The following NSD3 variants were observed in gnomAD, a reference collection of about 807,000 sequenced individuals.
NSD3 encodes the protein histone-lysine N-methyltransferase NSD3.
NSD3 carries 24 observed loss-of-function variants against 160.8 expected under a neutral mutation model. The ratio of observed to expected loss-of-function variants is 0.15; its 90% CI spans 0.11 to 0.21. The LOEUF (loss-of-function observed/expected upper bound fraction) is 0.21, where lower values mean the gene tolerates loss of function less well. Among genes scored for constraint, NSD3 ranks in the 10% least tolerant of loss-of-function variants. NSD3 has a pLI of 1.00. For missense variants in NSD3, 1,157 were observed against 1,735.9 expected (o/e 0.67, Z 5.93); for synonymous variants, 520 against 600.0 (o/e 0.87, Z 1.95).
chr8:38,371,054 C>T (rs770096144), intron 1 of NSD3, among the ~76,000 whole-genome samples: 1 of 151,806 alleles, frequency 6.6e-6, no homozygotes, highest in African/African-American at 2.4e-5. Flanking sequence ...CACACCTGTA[C>T]ACTGAAATTC....
intron 19 of NSD3, among the ~76,000 whole-genome samples, chr8:38,284,163 T>C (rs1406125583): frequency 1.3e-5 from 2 of 152,186 alleles, no homozygotes; most frequent in Non-Finnish European, 2.9e-5. Context: ...TTAATTTCCT[T>C]CACTTTTTCC....
rs2130971601 is a variant in NSD3, at chr8:38,271,142, T to A, written c.*4499A>T. ...TGCAGGAGTCTCTTCCTCAAATGTG[T>A]TCAATCAATCTGAGCTATCTACTGT... On this transcript the variant is annotated 3_prime_UTR_variant, in exon 24 of 24. Coordinates refer to ENST00000317025, the MANE Select transcript of NSD3 (RefSeq NM_023034.2). 1 of 152,284 alleles carries A rather than the reference T, an allele frequency of 6.6e-6. No individual in the cohort carries two copies. Among genetic ancestry groups the A allele is most frequent in the South Asian group, 2.1e-4 (1 of 4,828 alleles). The allele number at this position is 152,284 out of a possible 1,614,324, so 9.4% of individuals were successfully genotyped here. A position where few individuals can be genotyped will look rare whatever the true frequency, so the allele number is the denominator to read the frequency against.
intron 22 of NSD3, among the ~76,000 whole-genome samples, chr8:38,277,262 G>T (rs72644720): frequency 0.2 from 29,827 of 151,882 alleles, 3,207 homozygotes; most frequent in East Asian, 0.31. Context: ...TTTGAATAGG[G>T]TGCTTTTTAT....
chr8:38,357,525 ATT>A, intron 1 of NSD3, among the ~76,000 whole-genome samples: 1 of 151,392 alleles, frequency 6.6e-6, no homozygotes, highest in African/African-American at 2.4e-5. Flanking sequence ...TTCCTTTTTT[ATT>A]TTTTTTGCTT....
chr8:38,363,366 G>A (rs1374256046), intron 1 of NSD3, among the ~76,000 whole-genome samples: 2 of 152,152 alleles, frequency 1.3e-5, no homozygotes, highest in African/African-American at 4.8e-5. Flanking sequence ...GAAGAGGGCC[G>A]GGCATGGTGG....
At chr8:38,276,097 G>C (rs1251705582) in intron 23 of NSD3, among the ~76,000 whole-genome samples, 199 bp downstream of exon 23, 2 of 152,192 alleles carry the variant, frequency 1.3e-5, no homozygotes, top group Non-Finnish European at 2.9e-5. Context: ...CCACCTACGG[G>C]AACAGTATAC....
intron 16 of NSD3, among the ~76,000 whole-genome samples, chr8:38,292,003 T>G (rs773027965): frequency 1.3e-5 from 2 of 152,226 alleles, no homozygotes; most frequent in African/African-American, 2.4e-5. Flanking sequence ...GAGCACTGTT[T>G]TGGGTTTCTT....
At chr8:38,363,548 A>AG (rs1811036223) in intron 1 of NSD3, among the ~76,000 whole-genome samples, 1 of 148,552 alleles carries the variant, frequency 6.7e-6, no homozygotes, top group Non-Finnish European at 1.5e-5. Context: ...AGGCTGAGGC[A>AG]GGAGAATCAC....
intron 1 of NSD3, among the ~76,000 whole-genome samples, chr8:38,379,036 C>T (rs1811472766): frequency 6.6e-6 from 1 of 151,804 alleles, no homozygotes; most frequent in Non-Finnish European, 1.5e-5. Context: ...AAGACAGTTT[C>T]CTTTATCCAA....
chr8:38,373,662 C>T (rs1260760252), intron 1 of NSD3, among the ~76,000 whole-genome samples: 2 of 151,966 alleles, frequency 1.3e-5, no homozygotes, highest in African/African-American at 4.8e-5. Flanking sequence ...ATTTGATAAA[C>T]TAATTTTTTT....
chr8:38,355,151 C>G (rs1414936545), intron 1 of NSD3, among the ~76,000 whole-genome samples: 1 of 152,108 alleles, frequency 6.6e-6, no homozygotes, highest in African/African-American at 2.4e-5. Context: ...CAGAATCAAA[C>G]TAAGTTCAAA....
intron 12 of NSD3, among the ~76,000 whole-genome samples, chr8:38,308,318 C>T (rs940175332): frequency 1.3e-5 from 2 of 151,786 alleles, no homozygotes; most frequent in African/African-American, 4.8e-5. Context: ...TTTTTGGTCC[C>T]ATTGTAAATA....
rs141622276 is a variant in NSD3, at chr8:38,290,488, C to T, written c.3105G>A (p.Lys1035=). The T allele has an allele frequency of 0.013, 20,299 of 1,613,990 alleles. 205 individuals are homozygous for T. Among genetic ancestry groups the T allele is most frequent in the Non-Finnish European group, 0.013 (15,731 of 1,179,958 alleles). The change falls in exon 17 of 24, where the codon AAG becomes AAA. Residue 1035 remains lysine, a synonymous_variant. Coordinates refer to ENST00000317025, the MANE Select transcript of NSD3 (RefSeq NM_023034.2). ...SFAEGQTSIN[K]TFKKALEEAA... The stretch of plus-strand genomic sequence containing the variant: ...CATCCAGCTTACCCTTTTTGAAGGT[C>T]TTGTTAATACTAGTCTGCCCTTCAG...
rs573344598 is a variant in NSD3 at position 38,290,743 on chromosome 8, T to C, written c.2916-66A>G. The C allele has an allele frequency of 9.0e-6, 14 of 1,547,724 alleles. No individual in the cohort carries two copies. In the South Asian group the frequency reaches 1.4e-4, roughly 15 times the overall value. On this transcript the variant is annotated intron_variant, in intron 16 of 23. Transcript: ENST00000317025. ...AAACAAAAAACCACTATTTACAAGATTGGCAGAAGGGAAAAAAGTTTTTGT... is the reference window on the plus strand; with the variant it reads ...AAACAAAAAACCACTATTTACAAGACTGGCAGAAGGGAAAAAAGTTTTTGT...
chr8:38,273,674 A>G lies in NSD3; in HGVS notation c.*1967T>C, dbSNP rs932696814. On this transcript the variant is annotated 3_prime_UTR_variant, in exon 24 of 24. Transcript: ENST00000317025. The stretch of plus-strand genomic sequence containing the variant: ...CTAGCTTTTCTTATTTTTTAAAAGG[A>G]CATCAAACTATATAATTGCTCAAGA... The G allele has an allele frequency of 6.6e-6, 1 of 152,262 alleles. No homozygotes were observed. The highest frequency in any genetic ancestry group is 6.5e-5 in the Admixed American group (1 of 15,284). The allele number at this position is 152,262 out of a possible 1,614,324, so 9.4% of individuals were successfully genotyped here. A position where few individuals can be genotyped will look rare whatever the true frequency, so the allele number is the denominator to read the frequency against.
In NSD3 at chr8:38,318,105, T is replaced by C. The variant is rs1809712187; in HGVS notation, c.1855+790A>G. On this transcript the variant is annotated intron_variant, in intron 9 of 23. Transcript: ENST00000317025. This position sits in a 1 kb window ranked among gnomAD's most constrained non-coding sequence, Gnocchi z 5.3. ...CTCGCAGCGATCGCGATGTCTTTTC[T>C]TGGAGCTCCGCCAAGCAGTGTTCCC... 5.0e-6 allele frequency: 8 copies of C among 1,585,622 alleles called. No homozygotes were observed. Among genetic ancestry groups the C allele is most frequent in the Non-Finnish European group, 5.2e-6 (6 of 1,162,236 alleles).
intron 3 of NSD3, 78 bp from the exon 4 acceptor site, chr8:38,337,545 A>G: frequency 7.9e-7 from 1 of 1,268,896 alleles, no homozygotes; most frequent in Non-Finnish European, 1.0e-6. Context: ...AAATGCTAAC[A>G]ATGTAATTTT....
chr8:38,283,884 C>T (rs1021605658), intron 19 of NSD3, among the ~76,000 whole-genome samples: 1 of 151,990 alleles, frequency 6.6e-6, no homozygotes, highest in Admixed American at 6.6e-5. Flanking sequence ...AGGAGGACTG[C>T]TTGAGCCAGG....
At position 38,318,945 on chromosome 8, in the gene NSD3, T is replaced by C; in HGVS notation, c.1810-5A>G. The stretch of plus-strand genomic sequence containing the variant: ...AGCCTGAGGAACTGTTTCAACCTGT[T>C]TGGACAGAAAAATACAGCATTAACA... On this transcript the variant is annotated splice_polypyrimidine_tract_variant and splice_region_variant and intron_variant, in intron 8 of 23. Coordinates refer to ENST00000317025, the MANE Select transcript of NSD3 (RefSeq NM_023034.2). The surrounding 1 kb of genome is among the most constrained non-coding windows in gnomAD (Gnocchi z 5.3). The C allele has an allele frequency of 6.2e-7, 1 of 1,607,060 alleles. No individual in the cohort carries two copies. The highest frequency in any genetic ancestry group is 8.5e-7 in the Non-Finnish European group (1 of 1,177,918).
Sources: allele counts gnomAD v4.1 joint callset (sites outside exome capture counted in the v4.1 genomes callset), GRCh38; gene constraint gnomAD v4.1.1; non-coding constraint Gnocchi (gnomAD v3.1); transcripts MANE v1.5; gene names NCBI Gene and HGNC (gene_info 2026-07-23, HGNC 2026-07-21).